Variants in ZNF536 observed in about 807,000 individuals in gnomAD.
The protein encoded by ZNF536 is zinc finger protein 536.
Under a neutral mutation model 84.5 loss-of-function variants are expected in ZNF536, and 13 were observed. The ratio of observed to expected loss-of-function variants is 0.15; its 90% CI spans 0.10 to 0.24. The LOEUF is 0.24. Among genes scored for constraint, ZNF536 ranks in the 10% least tolerant of loss-of-function variants. The pLI, the probability that ZNF536 is intolerant of heterozygous loss-of-function variation, is 1.00. For synonymous variants in ZNF536, 811 were observed against 742.5 expected (o/e 1.09, Z -1.50); for missense variants, 1,536 against 1,747.5 (o/e 0.88, Z 2.16).
intron 2 of ZNF536, among the ~76,000 whole-genome samples, chr19:30,499,491 T>G (rs536333164): frequency 1.3e-5 from 2 of 152,336 alleles, no homozygotes; most frequent in African/African-American, 4.8e-5. Context: ...TATATGTATA[T>G]CTACCTATGT....
chr19:30,661,847 A>C (rs1053902866), intron 1 of ZNF536, among the ~76,000 whole-genome samples: 14 of 152,286 alleles, frequency 9.2e-5, no homozygotes, highest in Admixed American at 7.9e-4. Context: ...TTGTATAAAA[A>C]CATTAGATAG....
intron 2 of ZNF536, among the ~76,000 whole-genome samples, chr19:30,294,183 A>G (rs7253899): frequency 0.23 from 35,263 of 151,896 alleles, 4,967 homozygotes; most frequent in East Asian, 0.54. Flanking sequence ...CCCCCAACAC[A>G]GAGGAGCTTG....
chr19:30,308,371 C>T, intron 2 of ZNF536, among the ~76,000 whole-genome samples: 1 of 151,884 alleles, frequency 6.6e-6, no homozygotes, highest in East Asian at 1.9e-4. Context: ...TCATGTGAAC[C>T]ATGATTTTCT....
chr19:30,565,122 G>T (rs2046305358), intron 1 of ZNF536, among the ~76,000 whole-genome samples: 1 of 152,068 alleles, frequency 6.6e-6, no homozygotes, highest in Non-Finnish European at 1.5e-5. Flanking sequence ...TTTGCCAAAA[G>T]GAAAGCTCAA....
intron 1 of ZNF536, among the ~76,000 whole-genome samples, chr19:30,234,298 C>G (rs1312153750): frequency 6.6e-6 from 1 of 151,758 alleles, no homozygotes; most frequent in Non-Finnish European, 1.5e-5. Flanking sequence ...GAGTATATTT[C>G]TGGCCCCCTA....
At chr19:30,553,689 G>A (rs1313665016) in intron 4 of ZNF536, among the ~76,000 whole-genome samples, 5 of 152,350 alleles carry the variant, frequency 3.3e-5, no homozygotes, top group Admixed American at 2.0e-4. Context: ...CTGAGGGCAG[G>A]CACTGCGGCT....
chr19:30,644,578 C>T (rs1177746714), intron 1 of ZNF536, among the ~76,000 whole-genome samples: 1 of 152,114 alleles, frequency 6.6e-6, no homozygotes, highest in Non-Finnish European at 1.5e-5. Flanking sequence ...CATGTGTTCT[C>T]ATTGTTCAAT....
At chr19:30,533,495 G>A (rs2044941141) in intron 2 of ZNF536, among the ~76,000 whole-genome samples, 1 of 151,790 alleles carries the variant, frequency 6.6e-6, no homozygotes, top group South Asian at 2.1e-4. Context: ...ACTCTAGCTT[G>A]GGTGACAAAA....
At position 30,285,436 on chromosome 19, in the gene ZNF536, C is replaced by T. The variant is rs114482363; in HGVS notation, c.-120+1295C>T. Among the ~76,000 whole-genome samples, 1,336 of 152,162 alleles carry T rather than the reference C, an allele frequency of 8.8e-3. 23 individuals carry two copies. Among genetic ancestry groups the T allele is most frequent in the African/African-American group, 0.03 (1,249 of 41,520 alleles). ...TTTTGTTGGGCCTGGATTGTTTTGC[C>T]TTAAAAAAGAAGAAAAAAAATTGTT... On this transcript the variant is annotated intron_variant, in intron 2 of 5. Transcript: ENST00000585628.
At chr19:30,479,207 T>G (rs954818246) in intron 2 of ZNF536, among the ~76,000 whole-genome samples, 2 of 152,176 alleles carry the variant, frequency 1.3e-5, no homozygotes, top group Admixed American at 1.3e-4. Flanking sequence ...AAGCAGCTTT[T>G]ATTTAGGGAC....
intron 1 of ZNF536, among the ~76,000 whole-genome samples, chr19:30,399,632 A>G (rs912118177): frequency 2.0e-5 from 3 of 150,256 alleles, no homozygotes; most frequent in Non-Finnish European, 4.4e-5. Context: ...TTTTCTGCAT[A>G]TGTCTAGCTA....
intron 1 of ZNF536, among the ~76,000 whole-genome samples, chr19:30,244,370 T>C (rs1412463361): frequency 1.3e-5 from 2 of 152,072 alleles, no homozygotes; most frequent in African/African-American, 2.4e-5. Context: ...CAAAAATATA[T>C]GGGTATCACT....
In ZNF536 at chr19:30,247,026, G is replaced by A. The variant is rs571204211; in HGVS notation, c.-190+18353G>A. Among the ~76,000 whole-genome samples the A allele has an allele frequency of 1.6e-4, 24 of 152,310 alleles. No individual in the cohort carries two copies. In the South Asian group the frequency reaches 4.6e-3, roughly 29 times the overall value. ...TTCCAATTAAGGAAGGGAGTCCCAC[G>A]TCCCCTGGGTTCTTCCAGCTTTCCG... On this transcript the variant is annotated intron_variant, in intron 1 of 5. Transcript: ENST00000585628.
chr19:30,284,897 G>T (rs1443459510), intron 2 of ZNF536, among the ~76,000 whole-genome samples: 4 of 152,090 alleles, frequency 2.6e-5, no homozygotes, highest in Non-Finnish European at 5.9e-5. Flanking sequence ...ACTTTATCTT[G>T]CTGGAAAAGT....
chr19:30,344,219 A>C (rs1352400856), intron 2 of ZNF536, among the ~76,000 whole-genome samples: 1 of 144,788 alleles, frequency 6.9e-6, no homozygotes, highest in East Asian at 2.1e-4. Context: ...CAGGTGGATC[A>C]CCTGAGGTCA....
At chr19:30,518,652 A>T (rs2044191079) in intron 2 of ZNF536, among the ~76,000 whole-genome samples, 1 of 152,220 alleles carries the variant, frequency 6.6e-6, no homozygotes. Context: ...GAATGGAGAA[A>T]ATGATTTTCC....
At chr19:30,580,466 T>G (rs1441949150) in intron 1 of ZNF536, among the ~76,000 whole-genome samples, 1 of 151,934 alleles carries the variant, frequency 6.6e-6, no homozygotes, top group African/African-American at 2.4e-5. Context: ...AAGCCAAGAT[T>G]AGTGAGGCAC....
At chr19:30,355,524 A>C (rs1000809753) in intron 3 of ZNF536, among the ~76,000 whole-genome samples, 8 of 151,870 alleles carry the variant, frequency 5.3e-5, no homozygotes, top group African/African-American at 1.5e-4. Context: ...AGTAACTAGG[A>C]CTACAAGTGC....
At chr19:30,346,586 A>G (rs1046516824) in intron 2 of ZNF536, among the ~76,000 whole-genome samples, 1 of 152,184 alleles carries the variant, frequency 6.6e-6, no homozygotes, top group Non-Finnish European at 1.5e-5. Context: ...GTGAGTGAGA[A>G]CATGCAGTAT....
Sources: allele counts gnomAD v4.1 joint callset (sites outside exome capture counted in the v4.1 genomes callset), GRCh38; gene constraint gnomAD v4.1.1; transcripts MANE v1.5; gene names NCBI Gene and HGNC (gene_info 2026-07-23, HGNC 2026-07-21).